PRKG1: variants seen among roughly 807,000 people sequenced by gnomAD.
The protein encoded by PRKG1 is protein kinase cGMP-dependent 1.
In PRKG1, 35 loss-of-function variants were observed where a neutral mutation model predicts 88.1. The observed-to-expected ratio is 0.40, with a 90% CI of 0.30 to 0.53. The LOEUF (loss-of-function observed/expected upper bound fraction) is 0.53. Among genes scored for constraint, PRKG1 ranks in the 20% least tolerant of loss-of-function variants. The pLI is 0.59. For missense variants in PRKG1, 540 were observed against 839.8 expected (o/e 0.64, Z 4.41); for synonymous variants, 303 against 292.5 (o/e 1.04, Z -0.37).
intron 1 of PRKG1, among the ~76,000 whole-genome samples, chr10:51,081,204 A>G (rs1348386197): frequency 6.6e-6 from 1 of 152,196 alleles, no homozygotes; most frequent in African/African-American, 2.4e-5. Flanking sequence ...GAAATTTATA[A>G]GCAATGAAAA....
chr10:52,054,405 G>T, intron 5 of PRKG1, 79 bp from the exon 6 acceptor site: 1 of 991,028 alleles, frequency 1.0e-6, no homozygotes, highest in Non-Finnish European at 1.6e-6. Context: ...TATCCCTGGG[G>T]GTTGATATTT....
chr10:51,179,804 G>A (rs559744830), intron 2 of PRKG1, among the ~76,000 whole-genome samples: 26 of 152,146 alleles, frequency 1.7e-4, no homozygotes, highest in African/African-American at 6.3e-4. Context: ...TGCTTGTTCT[G>A]CCCATTACTA....
At chr10:51,123,144 G>T (rs1418737568) in intron 1 of PRKG1, among the ~76,000 whole-genome samples, 1 of 152,100 alleles carries the variant, frequency 6.6e-6, no homozygotes, top group East Asian at 1.9e-4. Flanking sequence ...CACCAAACTT[G>T]TTCACTTACA....
chr10:51,413,344 G>T (rs1358434923), intron 2 of PRKG1, among the ~76,000 whole-genome samples: 1 of 146,120 alleles, frequency 6.8e-6, no homozygotes, highest in Non-Finnish European at 1.5e-5. Flanking sequence ...TAAAAAAAAT[G>T]TTTTTTTTTT....
intron 1 of PRKG1, among the ~76,000 whole-genome samples, chr10:51,031,798 A>T (rs1843287332): frequency 6.6e-6 from 1 of 152,122 alleles, no homozygotes; most frequent in Non-Finnish European, 1.5e-5. Flanking sequence ...AACATATCAC[A>T]GTTTATTATA....
rs199967616 is a variant in PRKG1 at position 51,943,375 on chromosome 10, G to A, written c.762+35805G>A. On this transcript the variant is annotated intron_variant, in intron 5 of 17. Transcript: ENST00000373980. ...TGGGCTGAGATGATGGGGTTTTCTA[G>A]ATATACAATCATGTCATCTGCAAAC... Among the ~76,000 whole-genome samples the A allele has an allele frequency of 2.8e-4, 43 of 151,948 alleles. No homozygotes were observed. In the East Asian group the frequency reaches 6.0e-3, roughly 21 times the overall value.
rs527329923 is a variant in PRKG1 at position 51,944,760 on chromosome 10, T to C, written c.762+37190T>C. On this transcript the variant is annotated intron_variant, in intron 5 of 17. Coordinates refer to ENST00000373980, the MANE Select transcript of PRKG1 (RefSeq NM_006258.4). Reference sequence around the variant, plus strand: ...GTTGTTCAGTTTCCATGTAGTTGAGTGGTTTTGAGTGAGTTTCTTAATCCT... The same window carrying C: ...GTTGTTCAGTTTCCATGTAGTTGAGCGGTTTTGAGTGAGTTTCTTAATCCT... 9.9e-4 allele frequency among the ~76,000 whole-genome samples: 151 copies of C among 152,084 alleles called. 1 individual carries two copies. Among genetic ancestry groups the C allele is most frequent in the African/African-American group, 3.3e-3 (137 of 41,416 alleles).
chr10:51,673,245 C>T (rs1471228669), intron 3 of PRKG1, among the ~76,000 whole-genome samples: 3 of 151,920 alleles, frequency 2.0e-5, no homozygotes, highest in East Asian at 1.9e-4. Context: ...AAGGTGGTGA[C>T]AAGTGCTAAG....
At chr10:51,641,605 G>A (rs925641514) in intron 3 of PRKG1, among the ~76,000 whole-genome samples, 3 of 151,894 alleles carry the variant, frequency 2.0e-5, no homozygotes, top group Admixed American at 1.3e-4. Context: ...CTTAGGCAAC[G>A]TCCAAGTGAT....
intron 3 of PRKG1, among the ~76,000 whole-genome samples, chr10:51,593,187 T>G (rs540763003): frequency 8.5e-5 from 13 of 152,328 alleles, no homozygotes; most frequent in African/African-American, 3.1e-4. Flanking sequence ...TTTTGCAGTA[T>G]CACTAAAGTG....
chr10:51,108,297 G>C (rs560360714), intron 1 of PRKG1, among the ~76,000 whole-genome samples: 5 of 151,712 alleles, frequency 3.3e-5, no homozygotes, highest in African/African-American at 1.2e-4. Flanking sequence ...AATTAGAAGG[G>C]AAGAAAACTA....
intron 7 of PRKG1, among the ~76,000 whole-genome samples, chr10:52,063,953 A>G (rs12268490): frequency 0.98 from 149,283 of 152,294 alleles, 73,223 homozygotes; most frequent in Middle Eastern, 1. Flanking sequence ...AGGGGCAGAA[A>G]TACATGCTGA....
At chr10:51,847,608 T>C (rs1378713508) in intron 4 of PRKG1, among the ~76,000 whole-genome samples, 2 of 151,622 alleles carry the variant, frequency 1.3e-5, no homozygotes, top group Non-Finnish European at 2.9e-5. Flanking sequence ...CAATGATTTT[T>C]TTTTTCTGTA....
At chr10:51,072,538 A>G (rs915651096), upstream of PRKG1, among the ~76,000 whole-genome samples, 78 of 152,242 alleles carry the variant, frequency 5.1e-4, no homozygotes, top group African/African-American at 1.9e-3. Flanking sequence ...ACAGTAATTC[A>G]GAGCTATTAT....
intron 3 of PRKG1, among the ~76,000 whole-genome samples, chr10:51,735,756 G>A (rs1209777903): frequency 1.3e-5 from 2 of 151,238 alleles, no homozygotes; most frequent in East Asian, 3.9e-4. Context: ...AATGACAAGG[G>A]AAAGTCTATA....
At chr10:51,994,727 T>C (rs1232266030) in intron 5 of PRKG1, among the ~76,000 whole-genome samples, 1 of 152,186 alleles carries the variant, frequency 6.6e-6, no homozygotes, top group Non-Finnish European at 1.5e-5. Context: ...TGCTGTTGTC[T>C]CTTCATATAT....
chr10:52,027,862 C>T (rs1263669255), intron 5 of PRKG1, among the ~76,000 whole-genome samples: 1 of 152,120 alleles, frequency 6.6e-6, no homozygotes, highest in Non-Finnish European at 1.5e-5. Context: ...AATCTTGGCT[C>T]ATTTCAACCT....
chr10:51,094,992 G>A (rs1844494149), intron 1 of PRKG1, among the ~76,000 whole-genome samples: 2 of 152,076 alleles, frequency 1.3e-5, no homozygotes, highest in Non-Finnish European at 1.5e-5. Flanking sequence ...ATTTGAACTC[G>A]GGTCTGGCTG....
At chr10:51,406,621 G>GTTTTTTTTTTTTTTTTTTTTTTT (rs34189565) in intron 2 of PRKG1, among the ~76,000 whole-genome samples, 1 of 141,996 alleles carries the variant, frequency 7.0e-6, no homozygotes, top group African/African-American at 2.6e-5. Flanking sequence ...CATTATGTTT[G>GTTTTTTTTTTTTTTTTTTTTTTT]TTTTTTTTTT....
Sources: allele counts gnomAD v4.1 joint callset (sites outside exome capture counted in the v4.1 genomes callset), GRCh38; gene constraint gnomAD v4.1.1; transcripts MANE v1.5; gene names NCBI Gene and HGNC (gene_info 2026-07-23, HGNC 2026-07-21).